The following PFKFB3 variants were observed in gnomAD, a reference collection of about 807,000 sequenced individuals.
PFKFB3 encodes the protein 6-phosphofructo-2-kinase/fructose-2,6-bisphosphatase 3.
Under a neutral mutation model 68.0 loss-of-function variants are expected in PFKFB3, and 33 were observed. That is an observed-to-expected ratio of 0.49 (90% CI 0.37 to 0.65). The LOEUF is 0.65. PFKFB3 is among the 30% of genes least tolerant of loss of function. PFKFB3 has a pLI of 0.00. For synonymous variants in PFKFB3, 315 were observed against 288.2 expected, an observed-to-expected ratio of 1.09 and a Z score of -0.94; for missense variants, 586 against 712.2, an observed-to-expected ratio of 0.82 and a Z score of 2.02.
chr10:6,147,205 G>A (rs575809094), intron 1 of PFKFB3, among the ~76,000 whole-genome samples: 9 of 152,334 alleles, frequency 5.9e-5, no homozygotes, highest in South Asian at 4.1e-4. Context: ...CTGCACTGAC[G>A]GAGGTGCAGG....
chr10:6,275,266 A>G, the PFKFB3 span, among the ~76,000 whole-genome samples: 2 of 152,170 alleles, frequency 1.3e-5, no homozygotes, highest in African/African-American at 4.8e-5. The surrounding 1 kb of genome is among the most constrained non-coding windows in gnomAD (Gnocchi z 4.9). Context: ...GTCCTCTTCC[A>G]GAGCCTTGCC....
Position 6,221,752 on chromosome 10 carries a change from G to A in PFKFB3, c.1083+7G>A, listed in dbSNP as rs766672837. 2.9e-5 allele frequency: 45 copies of A among 1,572,990 alleles called. No homozygotes were observed. Among genetic ancestry groups the A allele is most frequent in the Non-Finnish European group, 3.5e-5 (40 of 1,156,312 alleles). On this transcript the variant is annotated splice_region_variant and intron_variant, in intron 10 of 14. Coordinates refer to ENST00000379775, the MANE Select transcript of PFKFB3 (RefSeq NM_004566.4). ...CCGCTACCCCACCGGGGAGGTGAGC[G>A]CAGGCTGGGGCGGGCTGACGGTCCC...
the PFKFB3 span, among the ~76,000 whole-genome samples, chr10:6,312,715 A>G: frequency 2.0e-5 from 3 of 152,158 alleles, no homozygotes; most frequent in African/African-American, 7.2e-5. Flanking sequence ...TTGTTTGTAA[A>G]TATTGTTTTC....
chr10:6,268,472 A>G, the PFKFB3 span, among the ~76,000 whole-genome samples: 5,652 of 151,860 alleles, frequency 0.037, 245 homozygotes, highest in South Asian at 0.18. Context: ...TAAAAATACA[A>G]AAATTAGCCA....
upstream of PFKFB3, among the ~76,000 whole-genome samples, chr10:6,199,658 A>ATTTTTTTTTTTTTTT (rs143309528): frequency 1.2e-3 from 89 of 75,588 alleles, 4 homozygotes; most frequent in African/African-American, 3.9e-3. Context: ...CTATTTTTAA[A>ATTTTTTTTTTTTTTT]TTTTTTTTTT....
At chr10:6,300,141 T>C in the PFKFB3 span, among the ~76,000 whole-genome samples, 1 of 152,028 alleles carries the variant, frequency 6.6e-6, no homozygotes. Flanking sequence ...GTTGGGTGCC[T>C]TGTTTGTCTC....
At position 6,217,211 on chromosome 10, in the gene PFKFB3, C is replaced by T. The variant is rs201986131; in HGVS notation, c.498+20C>T. The stretch of plus-strand genomic sequence containing the variant: ...ATCATGGTAAGACAGCCGGGAGCCC[C>T]GTGCTTCTGCGGCAGCGTAGACCAC... On this transcript the variant is annotated intron_variant, in intron 6 of 14. Transcript: ENST00000379775. 3.7e-5 allele frequency: 60 copies of T among 1,609,446 alleles called. No individual in the cohort carries two copies. Among genetic ancestry groups the T allele is most frequent in the African/African-American group, 3.5e-4 (26 of 74,966 alleles).
chr10:6,202,326 A>AG (rs1407239992), upstream of PFKFB3: 3 of 141,682 alleles, frequency 2.1e-5, no homozygotes, highest in Admixed American at 7.0e-5. Context: ...AAAGTGGACA[A>AG]GGACGAGGTG....
the PFKFB3 span, among the ~76,000 whole-genome samples, chr10:6,263,829 G>T: frequency 2.0e-5 from 3 of 152,180 alleles, no homozygotes; most frequent in African/African-American, 7.2e-5. Flanking sequence ...AGTATTAAAG[G>T]CGTGTGCCAC....
At chr10:6,254,458 G>A (rs1846457552) in exon 15 of PFKFB3, 1 of 398,144 alleles carries the variant, frequency 2.5e-6, no homozygotes, top group Middle Eastern at 6.3e-4. Context: ...GGATTTCCCA[G>A]GTCAGTGTCA....
the PFKFB3 span, chr10:6,294,172 G>GAT: frequency 1.9e-6 from 1 of 515,354 alleles, no homozygotes; most frequent in Non-Finnish European, 3.9e-6. Flanking sequence ...GAGAGCTCTG[G>GAT]ATATAGTTTG....
At chr10:6,191,190 C>A (rs754802279) in intron 1 of PFKFB3, among the ~76,000 whole-genome samples, 1 of 152,166 alleles carries the variant, frequency 6.6e-6, no homozygotes, top group East Asian at 1.9e-4. Flanking sequence ...AAGGCTGCCA[C>A]AGGAAAATTA....
At chr10:6,178,304 G>C (rs1273986495) in intron 1 of PFKFB3, among the ~76,000 whole-genome samples, 3 of 152,176 alleles carry the variant, frequency 2.0e-5, no homozygotes, top group Admixed American at 2.0e-4. Flanking sequence ...GGGCGCCCCT[G>C]CTGTGGGCCA....
the PFKFB3 span, among the ~76,000 whole-genome samples, chr10:6,266,701 C>T: frequency 6.6e-6 from 1 of 152,230 alleles, no homozygotes; most frequent in Non-Finnish European, 1.5e-5. Flanking sequence ...GTTCTTCTTT[C>T]ACCCAGGACT....
At chr10:6,166,744 T>C (rs916766106) in intron 1 of PFKFB3, among the ~76,000 whole-genome samples, 3 of 152,070 alleles carry the variant, frequency 2.0e-5, no homozygotes, top group African/African-American at 7.2e-5. Flanking sequence ...AGAATAATCA[T>C]GACTTTGAGT....
chr10:6,256,671 C>G (rs970287419), downstream of PFKFB3, among the ~76,000 whole-genome samples: 5 of 152,186 alleles, frequency 3.3e-5, no homozygotes, highest in African/African-American at 7.2e-5. Flanking sequence ...TTTAACGTGA[C>G]GAAGCTTCTG....
In PFKFB3 at chr10:6,203,073, C is replaced by T; in HGVS notation, c.-188C>T. 7.1e-7 allele frequency: 1 copy of T among 1,409,270 alleles called. No homozygotes were observed. The highest frequency in any genetic ancestry group is 9.2e-7 in the Non-Finnish European group (1 of 1,086,962). 87.3% of individuals were successfully genotyped at this position (1,409,270 alleles called of 1,614,324 possible). The stretch of plus-strand genomic sequence containing the variant: ...GCCTCGCTACCCTCGCAGCACACGT[C>T]GAGCCCCGCACAGGCGAGGGTCCGG... On this transcript the variant is annotated 5_prime_UTR_variant, in exon 1 of 15. Transcript: ENST00000379775.
intron 1 of PFKFB3, among the ~76,000 whole-genome samples, chr10:6,206,797 GAC>G: frequency 1.1e-5 from 1 of 87,090 alleles, no homozygotes; most frequent in African/African-American, 4.7e-5. Flanking sequence ...TCACATCCCA[GAC>G]GATGGGCGGC....
intron 1 of PFKFB3, among the ~76,000 whole-genome samples, chr10:6,188,851 TTTA>T (rs1842942419): frequency 3.7e-5 from 3 of 82,076 alleles, no homozygotes; most frequent in African/African-American, 1.0e-4. Flanking sequence ...TTTTTTTTTT[TTTA>T]GACGGAGTCT....
Sources: allele counts gnomAD v4.1 joint callset (sites outside exome capture counted in the v4.1 genomes callset), GRCh38; gene constraint gnomAD v4.1.1; non-coding constraint Gnocchi (gnomAD v3.1); transcripts MANE v1.5; gene names NCBI Gene and HGNC (gene_info 2026-07-23, HGNC 2026-07-21).